The following SYNE4 variants were observed in gnomAD, a reference collection of about 807,000 sequenced individuals.
SYNE4 encodes the protein nesprin-4.
A neutral mutation model predicts 46.9 loss-of-function variants in SYNE4; 41 were observed. The ratio of observed to expected loss-of-function variants is 0.87; its 90% CI spans 0.68 to 1.13. The LOEUF is 1.13. Ranked by LOEUF, SYNE4 falls within the 50% of genes most tolerant of loss-of-function variation. The pLI, the probability that SYNE4 is intolerant of heterozygous loss-of-function variation, is 0.00. For synonymous variants in SYNE4, 221 were observed against 219.5 expected, an observed-to-expected ratio of 1.01 and a Z score of -0.06; for missense variants, 492 against 514.8, an observed-to-expected ratio of 0.96 and a Z score of 0.43.
chr19:36,008,406 C>T, intron 1 of SYNE4, 39 bp from the exon 2 acceptor site: 1 of 1,564,504 alleles, frequency 6.4e-7, no homozygotes. Context: ...AGTCTCGACA[C>T]CTCACTTTTC....
At chr19:36,004,875 T>C (rs1056226452) in intron 6 of SYNE4, among the ~76,000 whole-genome samples, 8 of 125,900 alleles carry the variant, frequency 6.4e-5, no homozygotes, top group African/African-American at 3.2e-4. Context: ...TCTTTTTTTT[T>C]TTTTTTTTTT....
chr19:36,003,415 G>T lies in SYNE4; in HGVS notation c.1137C>A (p.Gly379=), dbSNP rs762993061. Residue 379 remains glycine (G), a synonymous_variant, in exon 8 of 8, where the codon GGC becomes GGA. Coordinates refer to ENST00000324444, the MANE Select transcript of SYNE4 (RefSeq NM_001039876.3). ...GAMFLLPASG[G]PCCSHARIPR... ...GTATTCGGGCATGAGAGCAGCAGGG[G>T]CCTCCTGACGCGGGCAGGAGAAACA... 1.9e-6 allele frequency: 3 copies of T among 1,614,004 alleles called. No individual in the cohort carries two copies. In the Admixed American group the frequency reaches 5.0e-5, roughly 27 times the overall value.
At chr19:36,007,075 C>T (rs770782350) in intron 3 of SYNE4, 50 bp downstream of exon 3, 4 of 1,573,650 alleles carry the variant, frequency 2.5e-6, no homozygotes, top group South Asian at 1.2e-5. Flanking sequence ...AAAGCTGGCA[C>T]CCACTGCTGG....
Position 36,007,195 on chromosome 19 carries a change from C to T in SYNE4, c.353G>A (p.Arg118His), listed in dbSNP as rs747777598. 19 of 1,584,490 alleles carry T rather than the reference C, an allele frequency of 1.2e-5. No individual in the cohort carries two copies. The South Asian group carries it at 1.5e-4, about 13-fold the overall frequency. ...SLHLCLLGLG[R>H]RLQDLEQGLG... ...GCCTTGCTCCAGGTCCTGCAGCCGG[C>T]GGCCCAGCCCCAGCAGGCACAGGTG... The change falls in exon 3 of 8, where the codon CGC becomes CAC. Residue 118 changes from arginine to histidine, a missense_variant. Transcript: ENST00000324444.
At chr19:36,006,184 G>A (rs1014844211) in intron 5 of SYNE4, 11 of 520,572 alleles carry the variant, frequency 2.1e-5, no homozygotes, top group Non-Finnish European at 3.2e-5. Flanking sequence ...GTCAGGAGGT[G>A]AGTGGGGCAT....
At position 36,008,585 on chromosome 19, in the gene SYNE4, C is replaced by CG; in HGVS notation, c.96dup (p.Val33ArgfsTer27). 2 of 1,613,972 alleles carry CG rather than the reference C, an allele frequency of 1.2e-6. No individual in the cohort carries two copies. The highest frequency in any genetic ancestry group is 1.7e-6 in the Non-Finnish European group (2 of 1,179,928). On this transcript the variant is annotated frameshift_variant, in exon 1 of 8. Transcript: ENST00000324444. LOFTEE classifies it high-confidence loss of function. ...CTCTCCTCTCCGGACGCGGGGCAGA[C>CG]GGTGCATCCAACAATGTCCGCCTCT...
Position 36,008,748 on chromosome 19 carries a change from T to C in SYNE4, c.-67A>G. ...GTAAGACCTCTTCCCTAGACAAGGGTGTCCCAGAGCTCCTCCGCTGGAGTC... is the reference window on the plus strand; with the variant it reads ...GTAAGACCTCTTCCCTAGACAAGGGCGTCCCAGAGCTCCTCCGCTGGAGTC... On this transcript the variant is annotated 5_prime_UTR_variant, in exon 1 of 8. Transcript: ENST00000324444. 2.0e-6 allele frequency: 3 copies of C among 1,517,328 alleles called. No individual in the cohort carries two copies. Among genetic ancestry groups the C allele is most frequent in the Non-Finnish European group, 2.6e-6 (3 of 1,132,244 alleles). 94.0% of individuals were successfully genotyped at this position (1,517,328 alleles called of 1,614,324 possible). A position where few individuals can be genotyped will look rare whatever the true frequency, so the allele number is the denominator to read the frequency against.
chr19:36,006,189 G>A lies in SYNE4; in HGVS notation c.867+234C>T, dbSNP rs907707049. ...GACTGGGACAGTCAGGAGGTGAGTG[G>A]GGCATCATCTGGGGGCCTCAGGATA... On this transcript the variant is annotated intron_variant, in intron 5 of 7. Coordinates refer to ENST00000324444, the MANE Select transcript of SYNE4 (RefSeq NM_001039876.3). 4.7e-5 allele frequency: 25 copies of A among 533,508 alleles called. No individual in the cohort carries two copies. The Admixed American group carries it at 9.6e-4, about 21-fold the overall frequency. 33.0% of individuals were successfully genotyped at this position (533,508 alleles called of 1,614,324 possible). A position where few individuals can be genotyped will look rare whatever the true frequency, so the allele number is the denominator to read the frequency against.
At position 36,003,380 on chromosome 19, in the gene SYNE4, G is replaced by A. The variant is rs776462587; in HGVS notation, c.1172C>T (p.Pro391Leu). Residue 391 changes from proline (P) to leucine (L), a missense_variant, in exon 8 of 8, where the codon CCC becomes CTC. Coordinates refer to ENST00000324444, the MANE Select transcript of SYNE4 (RefSeq NM_001039876.3). ...ATTGACATAGCTGAGCACCAGGTAG[G>A]GTGTCCTGGGTATTCGGGCATGAGA... ...CCSHARIPRT[P>L]YLVLSYVNGL... is the part of the protein sequence containing the mutation. The A allele has an allele frequency of 6.2e-7, 1 of 1,614,128 alleles. No individual in the cohort carries two copies. The highest frequency in any genetic ancestry group is 1.3e-5 in the African/African-American group (1 of 75,032).
rs994736883 is a variant in SYNE4, at chr19:36,006,546, C to T, written c.744G>A (p.Glu248=). 1.2e-6 allele frequency: 2 copies of T among 1,607,470 alleles called. No homozygotes were observed. Among genetic ancestry groups the T allele is most frequent in the Non-Finnish European group, 1.7e-6 (2 of 1,176,874 alleles). Residue 248 remains glutamate (E), a synonymous_variant, in exon 5 of 8, where the codon GAG becomes GAA. Coordinates refer to ENST00000324444, the MANE Select transcript of SYNE4 (RefSeq NM_001039876.3). ...PSSLPTSTEL[E]WDPAGDIGGL... is the part of the protein sequence containing the mutation. ...CCCCAATGTCCCCCGCCGGATCCCA[C>T]TCCAACTCTGTGGAAGTGGGGAGGC... is the stretch of plus-strand genomic sequence containing the variant.
At chr19:36,007,088 C>T (rs866692907) in intron 3 of SYNE4, 37 bp downstream of exon 3, 5 of 1,582,460 alleles carry the variant, frequency 3.2e-6, no homozygotes, top group Middle Eastern at 2.0e-4. Flanking sequence ...ACTGCTGGGG[C>T]CGTGCCCACC....
chr19:36,006,187 T>C, intron 5 of SYNE4: 1 of 489,886 alleles, frequency 2.0e-6, no homozygotes, highest in East Asian at 3.5e-5. Context: ...AGGAGGTGAG[T>C]GGGGCATCAT....
rs903039691 is a variant in SYNE4 at position 36,003,530 on chromosome 19, G to A, written c.1032-10C>T. The A allele has an allele frequency of 1.9e-6, 3 of 1,597,168 alleles. No individual in the cohort carries two copies. The highest frequency in any genetic ancestry group is 2.6e-6 in the Non-Finnish European group (3 of 1,171,448). ...TGCAGGATCGGGGGCCCTGTGAAGG[G>A]AAATGCAGTGTTAAACATACAGGTG... On this transcript the variant is annotated splice_polypyrimidine_tract_variant and intron_variant, in intron 7 of 7. Transcript: ENST00000324444.
At chr19:36,003,960 C>T (rs1337173498) in intron 6 of SYNE4, among the ~76,000 whole-genome samples, 2 of 152,138 alleles carry the variant, frequency 1.3e-5, no homozygotes, top group Non-Finnish European at 2.9e-5. Flanking sequence ...AAGTGATCCG[C>T]CCACCTCAGC....
Position 36,003,424 on chromosome 19 carries a change from C to G in SYNE4, c.1128G>C (p.Ala376=). 1 of 1,613,688 alleles carries G rather than the reference C, an allele frequency of 6.2e-7. No homozygotes were observed. The change falls in exon 8 of 8, where the codon GCG becomes GCC. Residue 376 remains alanine, a synonymous_variant. Coordinates refer to ENST00000324444, the MANE Select transcript of SYNE4 (RefSeq NM_001039876.3). ...LLVGAMFLLP[A]SGGPCCSHAR... The stretch of plus-strand genomic sequence containing the variant: ...CATGAGAGCAGCAGGGGCCTCCTGA[C>G]GCGGGCAGGAGAAACATGGCACCCA...
At position 36,005,190 on chromosome 19, in the gene SYNE4, T is replaced by C. The variant is rs139357463; in HGVS notation, c.972+143A>G. 839 of 837,764 alleles carry C rather than the reference T, an allele frequency of 1.0e-3. 2 individuals carry two copies. In the African/African-American group the frequency reaches 0.013, roughly 13 times the overall value. The allele number at this position is 837,764 out of a possible 1,614,324, so 51.9% of individuals were successfully genotyped here. A position where few individuals can be genotyped will look rare whatever the true frequency, so the allele number is the denominator to read the frequency against. On this transcript the variant is annotated intron_variant, in intron 6 of 7. Coordinates refer to ENST00000324444, the MANE Select transcript of SYNE4 (RefSeq NM_001039876.3). ...GCCTGGCCCTGGTATTACTTCAGGC[T>C]CTGAATTCAACAGTGCCTGGACCTT... is the stretch of plus-strand genomic sequence containing the variant.
Position 36,006,665 on chromosome 19 carries a change from C to G in SYNE4, c.625G>C (p.Glu209Gln). The G allele has an allele frequency of 6.3e-7, 1 of 1,597,824 alleles. No homozygotes were observed. The highest frequency in any genetic ancestry group is 8.5e-7 in the Non-Finnish European group (1 of 1,169,946). The stretch of plus-strand genomic sequence containing the variant: ...TCCTGGTCCAGCGTGTTGGCCTCCT[C>G]GAACACCTGGGTCAAAGGACAGAGG... ...AQLVSYSLVFEEANTLDQDLE... is the reference protein window; with the variant it reads ...AQLVSYSLVFQEANTLDQDLE... The change falls in exon 5 of 8, where the codon GAG becomes CAG. Residue 209 changes from glutamate to glutamine, a missense_variant. Glu to Gln is a conservative substitution (Grantham distance 29). Transcript: ENST00000324444.
intron 6 of SYNE4, 191 bp from the exon 7 acceptor site, chr19:36,003,862 G>A (rs559322399): frequency 7.9e-6 from 2 of 253,266 alleles, no homozygotes; most frequent in South Asian, 1.5e-4. Context: ...TGGGACTACA[G>A]GTGCCACCAT....
intron 2 of SYNE4, among the ~76,000 whole-genome samples, chr19:36,007,745 TG>T (rs955919796): frequency 6.6e-6 from 1 of 151,354 alleles, no homozygotes; most frequent in African/African-American, 2.4e-5. Context: ...GAAATATGGC[TG>T]GACACGGTGA....
Sources: allele counts gnomAD v4.1 joint callset (sites outside exome capture counted in the v4.1 genomes callset), GRCh38; gene constraint gnomAD v4.1.1; transcripts MANE v1.5; gene names NCBI Gene and HGNC (gene_info 2026-07-23, HGNC 2026-07-21).